CPQ: variants seen among roughly 807,000 people sequenced by gnomAD.
CPQ encodes the protein Ser-Met dipeptidase.
In CPQ, 37 loss-of-function variants were observed where a neutral mutation model predicts 45.7. The ratio of observed to expected loss-of-function variants is 0.81; its 90% CI spans 0.62 to 1.07. CPQ has a LOEUF of 1.07. Among genes scored for constraint, CPQ ranks in the 50% least tolerant of loss-of-function variants. The pLI, the probability that CPQ is intolerant of heterozygous loss-of-function variation, is 0.00. For missense variants in CPQ, 537 were observed against 572.9 expected, an observed-to-expected ratio of 0.94 and a Z score of 0.64; for synonymous variants, 186 against 205.8, an observed-to-expected ratio of 0.90 and a Z score of 0.82.
At chr8:96,675,078 AAAG>A (rs1412777791) in intron 1 of CPQ, among the ~76,000 whole-genome samples, 3 of 152,196 alleles carry the variant, frequency 2.0e-5, no homozygotes, top group Non-Finnish European at 4.4e-5. Context: ...AAGTCAGAGA[AAAG>A]AAATTATATT....
intron 5 of CPQ, among the ~76,000 whole-genome samples, chr8:97,001,479 C>T (rs1193017318): frequency 1.3e-5 from 2 of 151,872 alleles, no homozygotes; most frequent in Non-Finnish European, 1.5e-5. Context: ...ATAGAAAGCC[C>T]TTTCTGCATC....
intron 1 of CPQ, among the ~76,000 whole-genome samples, chr8:96,775,782 C>T (rs2319926): frequency 0.53 from 80,562 of 151,988 alleles, 22,703 homozygotes; most frequent in East Asian, 0.88. Context: ...GTCTAGTGTC[C>T]CCGGCCTCTG....
intron 1 of CPQ, among the ~76,000 whole-genome samples, chr8:96,782,037 G>A (rs1274066654): frequency 1.3e-5 from 2 of 152,154 alleles, no homozygotes; most frequent in Admixed American, 6.5e-5. Context: ...TTGCTGGAAC[G>A]TTGGAGTCTT....
chr8:96,837,770 AT>A (rs1165270897), intron 3 of CPQ, among the ~76,000 whole-genome samples: 1 of 151,760 alleles, frequency 6.6e-6, no homozygotes, highest in African/African-American at 2.4e-5. Flanking sequence ...TTCAGTTTCA[AT>A]TTTTTTCAAA....
chr8:96,688,335 T>A (rs1046649137), intron 1 of CPQ, among the ~76,000 whole-genome samples: 1 of 152,228 alleles, frequency 6.6e-6, no homozygotes, highest in Non-Finnish European at 1.5e-5. Context: ...TGGTTACTTA[T>A]TGATTTGTCG....
intron 7 of CPQ, among the ~76,000 whole-genome samples, chr8:97,096,386 A>G (rs938294838): frequency 6.6e-6 from 1 of 152,180 alleles, no homozygotes; most frequent in African/African-American, 2.4e-5. Flanking sequence ...TGTCTACTTT[A>G]TGTTGGATTG....
chr8:96,759,223 A>T (rs900107915), intron 1 of CPQ, among the ~76,000 whole-genome samples: 3 of 151,880 alleles, frequency 2.0e-5, no homozygotes, highest in African/African-American at 7.3e-5. Context: ...TCCCTGCCCT[A>T]CCTTTCATCT....
chr8:96,800,672 A>G (rs948992994), intron 2 of CPQ, among the ~76,000 whole-genome samples: 2 of 152,214 alleles, frequency 1.3e-5, no homozygotes, highest in African/African-American at 2.4e-5. Context: ...AATGGCTCTT[A>G]TAAACATAAA....
At chr8:96,877,350 C>A (rs931537174) in intron 3 of CPQ, among the ~76,000 whole-genome samples, 4 of 152,142 alleles carry the variant, frequency 2.6e-5, no homozygotes, top group African/African-American at 7.2e-5. Context: ...GGCTCACTGT[C>A]CCCACTTTAA....
intron 2 of CPQ, among the ~76,000 whole-genome samples, chr8:96,789,644 C>G (rs1810821074): frequency 6.6e-6 from 1 of 152,166 alleles, no homozygotes; most frequent in Admixed American, 6.6e-5. Context: ...TTGGAAGTTC[C>G]TTTTCTAATC....
chr8:96,740,178 A>G (rs1228424531), intron 1 of CPQ, among the ~76,000 whole-genome samples: 1 of 152,026 alleles, frequency 6.6e-6, no homozygotes, highest in East Asian at 1.9e-4. Flanking sequence ...GGTCCTTCAC[A>G]TCCCTTGTAA....
chr8:96,922,293 C>G (rs1319440526), intron 4 of CPQ, among the ~76,000 whole-genome samples: 1 of 152,088 alleles, frequency 6.6e-6, no homozygotes, highest in Non-Finnish European at 1.5e-5. Context: ...TCATACTTTC[C>G]CAACTGTCTG....
intron 5 of CPQ, among the ~76,000 whole-genome samples, chr8:96,978,782 C>G (rs1813832293): frequency 6.6e-6 from 1 of 152,156 alleles, no homozygotes; most frequent in South Asian, 2.1e-4. Flanking sequence ...TGGATTTCCT[C>G]CCACCCAAGA....
chr8:96,664,482 G>A (rs1808894121), intron 1 of CPQ, among the ~76,000 whole-genome samples: 2 of 152,200 alleles, frequency 1.3e-5, no homozygotes, highest in Non-Finnish European at 2.9e-5. Context: ...CAGCTGCTGT[G>A]GAGAATTTGA....
chr8:97,067,149 A>G (rs1043907010), intron 7 of CPQ, among the ~76,000 whole-genome samples: 3 of 151,334 alleles, frequency 2.0e-5, no homozygotes, highest in Non-Finnish European at 4.4e-5. Context: ...CTGGTCTCCA[A>G]CTCCTGGGCT....
chr8:96,785,732 A>C (rs995591608), intron 2 of CPQ, among the ~76,000 whole-genome samples: 2 of 152,158 alleles, frequency 1.3e-5, no homozygotes, highest in Non-Finnish European at 2.9e-5. Flanking sequence ...AGAACTTTGC[A>C]CTCTGAATTG....
intron 3 of CPQ, among the ~76,000 whole-genome samples, chr8:96,845,922 C>T (rs750751691): frequency 2.4e-4 from 36 of 152,128 alleles, no homozygotes; most frequent in Non-Finnish European, 4.0e-4. Context: ...TGGATTCAAG[C>T]GATTCTCCTG....
At chr8:96,811,057 A>G (rs949794965) in intron 2 of CPQ, among the ~76,000 whole-genome samples, 6 of 152,166 alleles carry the variant, frequency 3.9e-5, no homozygotes, top group African/African-American at 1.4e-4. Flanking sequence ...TTGGGTTACC[A>G]CAGAAATCTT....
intron 4 of CPQ, among the ~76,000 whole-genome samples, chr8:96,965,418 G>A (rs539045911): frequency 7.7e-5 from 11 of 142,058 alleles, no homozygotes; most frequent in African/African-American, 7.9e-5. Flanking sequence ...CTGCCACCCC[G>A]GAGTGCAGTG....
Sources: allele counts gnomAD v4.1 joint callset (sites outside exome capture counted in the v4.1 genomes callset), GRCh38; gene constraint gnomAD v4.1.1; transcripts MANE v1.5; gene names NCBI Gene and HGNC (gene_info 2026-07-23, HGNC 2026-07-21).